ANKFN1: variants seen among roughly 807,000 people sequenced by gnomAD.
The protein encoded by ANKFN1 is ankyrin repeat and fibronectin type-III domain-containing protein 1.
Under a neutral mutation model 108.7 loss-of-function variants are expected in ANKFN1, and 74 were observed. The ratio of observed to expected loss-of-function variants is 0.68; its 90% CI spans 0.56 to 0.83. The LOEUF is 0.83. ANKFN1 is among the 40% of genes least tolerant of loss of function. The pLI is 0.00. For synonymous variants in ANKFN1, 547 were observed against 516.2 expected (o/e 1.06, Z -0.81); for missense variants, 1,505 against 1,382.3 (o/e 1.09, Z -1.41).
At chr17:56,155,820 A>T (rs1909051407) in intron 1 of ANKFN1, among the ~76,000 whole-genome samples, 5 of 152,224 alleles carry the variant, frequency 3.3e-5, no homozygotes, top group African/African-American at 1.2e-4. Context: ...AAATTTTTAC[A>T]TAGAAATAAT....
At chr17:56,084,130 T>G (rs1598091174) in intron 4 of ANKFN1, among the ~76,000 whole-genome samples, 1 of 151,082 alleles carries the variant, frequency 6.6e-6, no homozygotes, top group Middle Eastern at 3.2e-3. Flanking sequence ...AAATCTTGAC[T>G]TCTATCGAAA....
At chr17:56,418,116 G>A (rs564481389) in intron 8 of ANKFN1, among the ~76,000 whole-genome samples, 1 of 152,112 alleles carries the variant, frequency 6.6e-6, no homozygotes, top group African/African-American at 2.4e-5. Context: ...ATTATTAAGT[G>A]GTTTCTGGAG....
At chr17:56,269,271 C>T (rs889270186) in intron 3 of ANKFN1, among the ~76,000 whole-genome samples, 3 of 152,206 alleles carry the variant, frequency 2.0e-5, no homozygotes, top group Non-Finnish European at 2.9e-5. Flanking sequence ...CTCTACTACA[C>T]GTCTCTTCCA....
At chr17:56,417,274 T>C (rs993276828) in intron 8 of ANKFN1, among the ~76,000 whole-genome samples, 1 of 152,212 alleles carries the variant, frequency 6.6e-6, no homozygotes, top group Non-Finnish European at 1.5e-5. Flanking sequence ...GACCCTATTT[T>C]CCGTGATATG....
intron 8 of ANKFN1, among the ~76,000 whole-genome samples, chr17:56,433,886 T>C (rs1270560035): frequency 6.6e-6 from 1 of 152,168 alleles, no homozygotes; most frequent in South Asian, 2.1e-4. Flanking sequence ...TATTAACATT[T>C]TCTCCATCAC....
intron 8 of ANKFN1, among the ~76,000 whole-genome samples, chr17:56,385,174 C>G (rs1490872702): frequency 2.0e-5 from 3 of 151,984 alleles, no homozygotes; most frequent in African/African-American, 7.2e-5. Flanking sequence ...CACATATCTA[C>G]AACTATCTGA....
chr17:56,468,233 A>C lies in ANKFN1; in HGVS notation c.1773+1662A>C, dbSNP rs2050198564. Reference sequence around the variant, plus strand: ...TGAGTGGGGGACAGGAAATGAAATAAAGGATAAAAGACTTACTTGAATACT... The same window carrying C: ...TGAGTGGGGGACAGGAAATGAAATACAGGATAAAAGACTTACTTGAATACT... On this transcript the variant is annotated intron_variant, in intron 15 of 20. Coordinates refer to ENST00000682825, the MANE Select transcript of ANKFN1 (RefSeq NM_001370326.1). 2.0e-5 allele frequency among the ~76,000 whole-genome samples: 3 copies of C among 152,120 alleles called. No individual in the cohort carries two copies. In the South Asian group the frequency reaches 6.2e-4, roughly 32 times the overall value.
At chr17:56,072,544 A>T (rs1905132666) in intron 4 of ANKFN1, among the ~76,000 whole-genome samples, 1 of 152,224 alleles carries the variant, frequency 6.6e-6, no homozygotes, top group African/African-American at 2.4e-5. Flanking sequence ...AGGTAGCATG[A>T]TCTTCCCTTT....
chr17:56,350,828 A>T lies in ANKFN1; in HGVS notation c.251A>T (p.His84Leu), dbSNP rs376262477. Residue 84 changes from histidine to leucine, a missense_variant, in exon 5 of 21, where the codon CAT becomes CTT. Physicochemically the swap from His to Leu is moderately conservative, Grantham distance 99. Transcript: ENST00000682825. The part of the protein sequence containing the change: ...QNLHLCQSKK[H>L]SAPSSPNAAK... ...TTACATCTCTGTCAGTCAAAAAAACATAGTGCTCCCTCATCTCCCAACGCA... is the reference window on the plus strand; with the variant it reads ...TTACATCTCTGTCAGTCAAAAAAACTTAGTGCTCCCTCATCTCCCAACGCA... 4 of 1,613,784 alleles carry T rather than the reference A, an allele frequency of 2.5e-6. No individual in the cohort carries two copies. The highest frequency in any genetic ancestry group is 1.3e-5 in the African/African-American group (1 of 74,916).
At chr17:56,248,783 CCCCA>C (rs2043172166) in intron 3 of ANKFN1, among the ~76,000 whole-genome samples, 1 of 152,090 alleles carries the variant, frequency 6.6e-6, no homozygotes, top group Admixed American at 6.6e-5. Context: ...GTCATGGTTT[CCCCA>C]GAAGCAGATC....
At chr17:56,469,098 A>G (rs749084124) in intron 15 of ANKFN1, among the ~76,000 whole-genome samples, 24 of 152,166 alleles carry the variant, frequency 1.6e-4, no homozygotes, top group Admixed American at 2.6e-4. Flanking sequence ...AAAAATTCCA[A>G]TCTGGTGAAA....
At chr17:56,172,069 A>G (rs933284094) in intron 1 of ANKFN1, among the ~76,000 whole-genome samples, 1 of 152,212 alleles carries the variant, frequency 6.6e-6, no homozygotes, top group Non-Finnish European at 1.5e-5. Flanking sequence ...CTTGTTATAT[A>G]CATGAATGAC....
intron 20 of ANKFN1, 38 bp downstream of exon 20, chr17:56,499,136 T>C (rs1227454937): frequency 6.6e-7 from 1 of 1,519,614 alleles, no homozygotes; most frequent in Non-Finnish European, 8.8e-7. Context: ...GTTTAGTCCC[T>C]GGACTTTTGA....
chr17:56,280,452 T>A (rs1472699670), intron 3 of ANKFN1, among the ~76,000 whole-genome samples: 1 of 152,160 alleles, frequency 6.6e-6, no homozygotes, highest in Non-Finnish European at 1.5e-5. Flanking sequence ...TACACCAGAA[T>A]GACCCTGCTC....
At chr17:56,368,065 C>A in intron 6 of ANKFN1, 1 of 674,394 alleles carries the variant, frequency 1.5e-6, no homozygotes, top group Non-Finnish European at 2.1e-6. Flanking sequence ...CCCATTCTGC[C>A]ATCAGATCCA....
intron 4 of ANKFN1, among the ~76,000 whole-genome samples, chr17:56,090,727 C>T (rs574708200): frequency 7.9e-5 from 12 of 151,082 alleles, no homozygotes; most frequent in African/African-American, 2.9e-4. Flanking sequence ...ACACATCAGC[C>T]TCCTGAGTAG....
chr17:56,064,984 C>T (rs1239820911), intron 4 of ANKFN1, among the ~76,000 whole-genome samples: 1 of 152,310 alleles, frequency 6.6e-6, no homozygotes, highest in East Asian at 1.9e-4. Flanking sequence ...GCCCGTGGGA[C>T]TCTCAGGTGG....
intron 4 of ANKFN1, among the ~76,000 whole-genome samples, chr17:56,089,297 C>G (rs1018015203): frequency 2.0e-5 from 3 of 151,256 alleles, no homozygotes; most frequent in Non-Finnish European, 3.0e-5. Context: ...GATGTATTTA[C>G]TAATTTTCCT....
intron 1 of ANKFN1, among the ~76,000 whole-genome samples, chr17:56,163,072 TC>T (rs1909820565): frequency 6.6e-6 from 1 of 151,208 alleles, no homozygotes; most frequent in Non-Finnish European, 1.5e-5. Context: ...AAAAGAGTAA[TC>T]ACTTAGTAAA....
Sources: allele counts gnomAD v4.1 joint callset (sites outside exome capture counted in the v4.1 genomes callset), GRCh38; gene constraint gnomAD v4.1.1; transcripts MANE v1.5; gene names NCBI Gene and HGNC (gene_info 2026-07-23, HGNC 2026-07-21).